SAMSN1: variants seen among roughly 807,000 people sequenced by gnomAD.
The protein encoded by SAMSN1 is SAM domain-containing protein SAMSN-1.
In SAMSN1, 31 loss-of-function variants were observed where a neutral mutation model predicts 42.0. The ratio of observed to expected loss-of-function variants is 0.74; its 90% CI spans 0.55 to 1.00. The LOEUF is 1.00. Among genes scored for constraint, SAMSN1 ranks in the 50% least tolerant of loss-of-function variants. The pLI is 0.00. For missense variants in SAMSN1, 464 were observed against 439.4 expected (o/e 1.06, Z -0.50); for synonymous variants, 178 against 151.9 (o/e 1.17, Z -1.26).
intron 5 of SAMSN1, among the ~76,000 whole-genome samples, chr21:14,509,910 C>T (rs944820755): frequency 2.6e-5 from 4 of 152,216 alleles, no homozygotes; most frequent in East Asian, 1.9e-4. Context: ...GAGGCCGAGG[C>T]GGGCGGATCA....
At chr21:14,610,390 T>C (rs886916816) in intron 4 of SAMSN1, among the ~76,000 whole-genome samples, 2 of 152,206 alleles carry the variant, frequency 1.3e-5, no homozygotes, top group Non-Finnish European at 2.9e-5. Context: ...TGGTGAATTC[T>C]AGTCAGACTG....
At chr21:14,652,082 T>A (rs1195361427) in intron 1 of SAMSN1, among the ~76,000 whole-genome samples, 1 of 101,470 alleles carries the variant, frequency 9.9e-6, no homozygotes, top group African/African-American at 3.1e-5. Flanking sequence ...GGTTCATGGA[T>A]TGAAAGACAA....
Position 14,510,335 on chromosome 21 carries a change from T to C in SAMSN1, c.536A>G (p.Tyr179Cys). ...RVHTDFTPSP[Y>C]DTDSLKIKKG... ...CTTGATTTTGAGGGAGTCAGTGTCA[T>C]AGGGACTTGGCGTGAAATCCGTATG... is the stretch of plus-strand genomic sequence containing the variant. Residue 179 changes from tyrosine (Y) to cysteine (C), a missense_variant, in exon 5 of 8, where the codon TAT becomes TGT. Coordinates refer to ENST00000400566, the MANE Select transcript of SAMSN1 (RefSeq NM_022136.5). 2 of 1,614,130 alleles carry C rather than the reference T, an allele frequency of 1.2e-6. No homozygotes were observed. The highest frequency in any genetic ancestry group is 1.3e-5 in the African/African-American group (1 of 75,034).
At chr21:14,626,631 G>C (rs1423416075) in intron 2 of SAMSN1, among the ~76,000 whole-genome samples, 2 of 152,106 alleles carry the variant, frequency 1.3e-5, no homozygotes, top group African/African-American at 4.8e-5. Flanking sequence ...GAAACAACAG[G>C]GGCTGTAGAG....
intron 2 of SAMSN1, among the ~76,000 whole-genome samples, chr21:14,519,533 CA>C (rs921397750): frequency 1.2e-4 from 18 of 151,808 alleles, no homozygotes; most frequent in Middle Eastern, 6.8e-3. Flanking sequence ...TATATGTGGC[CA>C]GGGGGAGATT....
chr21:14,614,409 A>G (rs1311716658), intron 3 of SAMSN1, among the ~76,000 whole-genome samples: 1 of 152,106 alleles, frequency 6.6e-6, no homozygotes, highest in Admixed American at 6.5e-5. Flanking sequence ...TCCATAACAA[A>G]ATGTTTTGAA....
rs1217516071 is a variant in SAMSN1 at position 14,627,045 on chromosome 21, C to A, written c.157-11029G>T. ...CACAAAGAGAAAAAACCAAACACTG[C>A]ATGTTCTCACTCATAGGTGGGAATT... On this transcript the variant is annotated intron_variant, in intron 2 of 15. Coordinates refer to the SAMSN1 transcript ENST00000647101. Among the ~76,000 whole-genome samples, 2 of 152,078 alleles carry A rather than the reference C, an allele frequency of 1.3e-5. 1 individual carries two copies. The highest frequency in any genetic ancestry group is 1.3e-4 in the Admixed American group (2 of 15,266).
chr21:14,556,439 T>C (rs1257164979), intron 2 of SAMSN1, among the ~76,000 whole-genome samples: 4 of 152,210 alleles, frequency 2.6e-5, no homozygotes, highest in African/African-American at 9.6e-5. Context: ...TCAAATTTCC[T>C]ATGTATATTA....
At chr21:14,553,259 A>G (rs1414639243) in intron 2 of SAMSN1, among the ~76,000 whole-genome samples, 1 of 152,100 alleles carries the variant, frequency 6.6e-6, no homozygotes, top group Non-Finnish European at 1.5e-5. Context: ...GCTGAGTTAA[A>G]TATTGTTTAA....
chr21:14,557,029 A>C (rs572353854), intron 2 of SAMSN1, among the ~76,000 whole-genome samples: 45 of 152,298 alleles, frequency 3.0e-4, no homozygotes, highest in African/African-American at 1.1e-3. Flanking sequence ...ATTTCTTGTT[A>C]TGTTTCCAAG....
chr21:14,485,910 G>A lies in SAMSN1; in HGVS notation c.*2C>T. ...TGTAGATATATAGTTGGGAATGCGT[G>A]TTCAGTCACTTGGCTCTGTGATAAT... On this transcript the variant is annotated 3_prime_UTR_variant, in exon 8 of 8. Transcript: ENST00000400566. The A allele has an allele frequency of 1.2e-6, 2 of 1,611,664 alleles. No homozygotes were observed. Among genetic ancestry groups the A allele is most frequent in the Non-Finnish European group, 1.7e-6 (2 of 1,178,054 alleles).
intron 7 of SAMSN1, chr21:14,591,443 T>TCTGTTC (rs1356684210): frequency 2.0e-5 from 3 of 152,176 alleles, no homozygotes; most frequent in Non-Finnish European, 4.4e-5. Context: ...GTCATCTGTT[T>TCTGTTC]CTGTTCCTGT....
intron 2 of SAMSN1, among the ~76,000 whole-genome samples, chr21:14,628,667 TATGA>T (rs1022262027): frequency 2.0e-5 from 3 of 152,132 alleles, no homozygotes; most frequent in African/African-American, 7.2e-5. Flanking sequence ...TCTCCCAAGT[TATGA>T]ATGAGATCAC....
chr21:14,649,774 C>CACACACACAT (rs1555847351), intron 1 of SAMSN1, among the ~76,000 whole-genome samples: 1,680 of 38,014 alleles, frequency 0.044, 13 homozygotes, highest in Admixed American at 0.1. Context: ...TGTCTCAAAA[C>CACACACACAT]ACACACACAC....
chr21:14,643,347 T>C (rs1983640354), intron 1 of SAMSN1, among the ~76,000 whole-genome samples: 1 of 152,168 alleles, frequency 6.6e-6, no homozygotes, highest in Non-Finnish European at 1.5e-5. Flanking sequence ...CCACCATTAT[T>C]ACAGAGCCAA....
At chr21:14,609,300 A>G (rs970163714) in intron 5 of SAMSN1, among the ~76,000 whole-genome samples, 1 of 152,078 alleles carries the variant, frequency 6.6e-6, no homozygotes, top group African/African-American at 2.4e-5. Context: ...ATATATATGT[A>G]TACATGTATA....
chr21:14,654,868 G>A (rs183415104), intron 1 of SAMSN1, among the ~76,000 whole-genome samples: 6 of 151,796 alleles, frequency 4.0e-5, no homozygotes, highest in Admixed American at 3.3e-4. Flanking sequence ...GAAAGAAAGA[G>A]AGAAAGAGAG....
chr21:14,633,204 C>T (rs1783879023), intron 2 of SAMSN1, among the ~76,000 whole-genome samples: 2 of 152,104 alleles, frequency 1.3e-5, no homozygotes. Context: ...TCTACACACA[C>T]ACACATACAC....
At chr21:14,526,420 G>A (rs755048829) in intron 1 of SAMSN1, among the ~76,000 whole-genome samples, 16 of 152,314 alleles carry the variant, frequency 1.1e-4, no homozygotes, top group Non-Finnish European at 2.2e-4. Context: ...TACAGAACCA[G>A]GGTCAGCTGG....
Sources: gnomAD v4.1 joint callset for allele counts (sites outside exome capture counted in the v4.1 genomes callset) on GRCh38, gnomAD v4.1.1 for gene constraint, MANE v1.5 for transcripts, NCBI Gene and HGNC (gene_info 2026-07-23, HGNC 2026-07-21) for gene names.